KIAA1549L: variants seen among roughly 807,000 people sequenced by gnomAD.
KIAA1549L encodes the protein UPF0606 protein KIAA1549L.
In KIAA1549L, 88 loss-of-function variants were observed where a neutral mutation model predicts 160.7. The ratio of observed to expected loss-of-function variants is 0.55; its 90% CI spans 0.46 to 0.65. KIAA1549L has a LOEUF of 0.65. KIAA1549L is among the 30% of genes least tolerant of loss of function. The probability of loss-of-function intolerance (pLI) is 0.00; values close to 1 mark genes in which losing one functional copy is unlikely to be tolerated. For missense variants in KIAA1549L, 2,258 were observed against 2,437.5 expected (o/e 0.93, Z 1.55); for synonymous variants, 950 against 976.7 (o/e 0.97, Z 0.51).
intron 7 of KIAA1549L, 61 bp downstream of exon 7, chr11:33,559,972 C>T: frequency 6.6e-6 from 10 of 1,515,048 alleles, no homozygotes; most frequent in Non-Finnish European, 8.2e-6. Context: ...CTCCATTTAG[C>T]AAACATTTAT....
intron 1 of KIAA1549L, among the ~76,000 whole-genome samples, chr11:33,464,533 C>A (rs1299674676): frequency 7.0e-6 from 1 of 143,180 alleles, no homozygotes; most frequent in Admixed American, 6.9e-5. Context: ...TGCCCCCCCC[C>A]ACACACGCAT....
At chr11:33,498,131 A>G (rs1451374077) in intron 1 of KIAA1549L, among the ~76,000 whole-genome samples, 1 of 152,184 alleles carries the variant, frequency 6.6e-6, no homozygotes, top group Non-Finnish European at 1.5e-5. Flanking sequence ...TCTACAAAAA[A>G]TAAAAATAAA....
chr11:33,666,104 C>A (rs1852442150), intron 20 of KIAA1549L, among the ~76,000 whole-genome samples: 1 of 152,122 alleles, frequency 6.6e-6, no homozygotes, highest in Non-Finnish European at 1.5e-5. Flanking sequence ...CCCTCCAAAT[C>A]CACAGGGAGG....
Position 33,535,230 on chromosome 11 carries a change from C to T in KIAA1549L, c.239-6572C>T, listed in dbSNP as rs562897428. 3.2e-4 allele frequency among the ~76,000 whole-genome samples: 48 copies of T among 152,304 alleles called. 1 individual carries two copies. In the South Asian group the frequency reaches 5.8e-3, roughly 18 times the overall value. ...TAGAGACACCAGTAGTTCCTAGAGGCCACCCACAGTTCTCACCAGCTGGGC... is the reference window on the plus strand; with the variant it reads ...TAGAGACACCAGTAGTTCCTAGAGGTCACCCACAGTTCTCACCAGCTGGGC... On this transcript the variant is annotated intron_variant, in intron 1 of 20. Transcript: ENST00000658780.
At chr11:33,575,005 A>G (rs998448290) in intron 10 of KIAA1549L, 132 bp downstream of exon 10, 9 of 751,134 alleles carry the variant, frequency 1.2e-5, no homozygotes, top group Non-Finnish European at 1.8e-5. Context: ...TTCTTAAATC[A>G]ATCAGCTATG....
intron 1 of KIAA1549L, among the ~76,000 whole-genome samples, chr11:33,503,774 GTTTA>G (rs906650456): frequency 6.6e-6 from 1 of 152,164 alleles, no homozygotes; most frequent in Non-Finnish European, 1.5e-5. Context: ...TGGATTCACT[GTTTA>G]TTCCAGGCTT....
intron 16 of KIAA1549L, among the ~76,000 whole-genome samples, chr11:33,621,275 T>G (rs1850951768): frequency 6.6e-6 from 1 of 152,202 alleles, no homozygotes; most frequent in Admixed American, 6.5e-5. Flanking sequence ...TATTAGGGCC[T>G]ATAGAAGGGA....
chr11:33,560,158 A>G (rs762571510), intron 7 of KIAA1549L, among the ~76,000 whole-genome samples: 3 of 152,250 alleles, frequency 2.0e-5, no homozygotes, highest in African/African-American at 4.8e-5. Flanking sequence ...AGCACTTGCT[A>G]GTTGCCTTCG....
intron 20 of KIAA1549L, among the ~76,000 whole-genome samples, chr11:33,662,021 A>T (rs1309229261): frequency 2.0e-5 from 3 of 152,156 alleles, no homozygotes; most frequent in African/African-American, 7.2e-5. Flanking sequence ...TATTTCTGAA[A>T]TGAATGCTAT....
chr11:33,473,387 A>T (rs1434776665), intron 1 of KIAA1549L, among the ~76,000 whole-genome samples: 1 of 152,260 alleles, frequency 6.6e-6, no homozygotes, highest in East Asian at 1.9e-4. Flanking sequence ...CGAACAGGGG[A>T]TACTTCCTGG....
chr11:33,571,185 A>C (rs11823415), intron 9 of KIAA1549L, among the ~76,000 whole-genome samples: 4,821 of 152,278 alleles, frequency 0.032, 269 homozygotes, highest in African/African-American at 0.11. Context: ...CGGGAGGCTG[A>C]AGCAGGAGAA....
chr11:33,631,607 C>T (rs138489669), intron 16 of KIAA1549L, among the ~76,000 whole-genome samples: 25 of 152,274 alleles, frequency 1.6e-4, no homozygotes, highest in African/African-American at 6.0e-4. Flanking sequence ...CCCTGGTGGT[C>T]AAACCTGCTC....
intron 1 of KIAA1549L, among the ~76,000 whole-genome samples, chr11:33,501,817 T>A (rs1245127831): frequency 6.6e-6 from 1 of 152,122 alleles, no homozygotes; most frequent in African/African-American, 2.4e-5. Context: ...GTAGCTACAA[T>A]TATCCCCATT....
chr11:33,506,293 C>G (rs1009252009), intron 1 of KIAA1549L, among the ~76,000 whole-genome samples: 4 of 152,206 alleles, frequency 2.6e-5, no homozygotes, highest in Admixed American at 6.5e-5. Context: ...CCTCATTGCT[C>G]TCCTTGAGAT....
intron 9 of KIAA1549L, among the ~76,000 whole-genome samples, chr11:33,571,269 G>A (rs1052729443): frequency 4.6e-5 from 7 of 152,170 alleles, no homozygotes; most frequent in African/African-American, 1.4e-4. Context: ...GTGACAGAGC[G>A]AGACTCTGTG....
intron 1 of KIAA1549L, among the ~76,000 whole-genome samples, chr11:33,402,581 TAC>T (rs1301755237): frequency 3.3e-5 from 5 of 152,226 alleles, no homozygotes; most frequent in African/African-American, 1.2e-4. Context: ...ATTCTTTCCT[TAC>T]AGTGTTAGCC....
Position 33,668,325 on chromosome 11 carries a change from T to C in KIAA1549L, c.*171T>C. On this transcript the variant is annotated 3_prime_UTR_variant, in exon 21 of 21. Coordinates refer to ENST00000658780, the MANE Select transcript of KIAA1549L (RefSeq NM_012194.3). ...TGGGAACAGGAAACTCTTGAACGAC[T>C]AGATTCTTGGCTCATCCAACTGATT... 2 of 660,020 alleles carry C rather than the reference T, an allele frequency of 3.0e-6. No homozygotes were observed. The highest frequency in any genetic ancestry group is 2.5e-6 in the Non-Finnish European group (1 of 392,566). 40.9% of individuals were successfully genotyped at this position (660,020 alleles called of 1,614,324 possible).
At chr11:33,516,783 G>A (rs565695911) in intron 1 of KIAA1549L, among the ~76,000 whole-genome samples, 4 of 152,172 alleles carry the variant, frequency 2.6e-5, no homozygotes, top group African/African-American at 4.8e-5. Flanking sequence ...TTTTAGCAAA[G>A]GTATGGAATC....
chr11:33,465,357 G>T (rs1852034577), intron 1 of KIAA1549L, among the ~76,000 whole-genome samples: 1 of 151,956 alleles, frequency 6.6e-6, no homozygotes, highest in Non-Finnish European at 1.5e-5. Context: ...CCCGGCCCCA[G>T]GGGACCTTCT....
Sources: gnomAD v4.1 joint callset for allele counts (sites outside exome capture counted in the v4.1 genomes callset) on GRCh38, gnomAD v4.1.1 for gene constraint, MANE v1.5 for transcripts, NCBI Gene and HGNC (gene_info 2026-07-23, HGNC 2026-07-21) for gene names.